ITGB4: variants seen among roughly 807,000 people sequenced by gnomAD.
ITGB4 encodes the protein integrin subunit beta 4, also known as integrin beta-4.
A neutral mutation model predicts 207.6 loss-of-function variants in ITGB4; 159 were observed. That is an observed-to-expected ratio of 0.77 (90% CI 0.67 to 0.87). The LOEUF is 0.87. Among genes scored for constraint, ITGB4 ranks in the 40% least tolerant of loss-of-function variants. The pLI is 0.00. For missense variants in ITGB4, 2,278 were observed against 2,546.8 expected (o/e 0.89, Z 2.27); for synonymous variants, 1,020 against 1,062.7 (o/e 0.96, Z 0.78).
At position 75,730,335 on chromosome 17, in the gene ITGB4, C is replaced by T; in HGVS notation, c.833C>T (p.Ala278Val). The T allele has an allele frequency of 6.2e-7, 1 of 1,613,878 alleles. No individual in the cohort carries two copies. Reference protein sequence around the residue: ...HYEADGANVLAGIMSRNDERC... With the variant: ...HYEADGANVLVGIMSRNDERC... ...GAGGCTGATGGCGCCAACGTGCTGG[C>T]TGGCATCATGAGCCGCAACGATGAA... Residue 278 changes from alanine to valine, a missense_variant, in exon 8 of 40, where the codon GCT (alanine) becomes GTT (valine). Coordinates refer to ENST00000200181, the MANE Select transcript of ITGB4 (RefSeq NM_000213.5).
Position 75,750,396 on chromosome 17 carries a change from G to A in ITGB4, c.3474+128G>A, listed in dbSNP as rs2061341272. On this transcript the variant is annotated intron_variant, in intron 28 of 39. Transcript: ENST00000200181. The surrounding 1 kb of genome is among the most constrained non-coding windows in gnomAD (Gnocchi z 5.5). The stretch of plus-strand genomic sequence containing the variant: ...CAGACAGTGGAACCTAGCACAGGTG[G>A]TCAGAGGGAAACCCGGTCTGTGCTG... The A allele has an allele frequency of 3.0e-6, 3 of 993,820 alleles. No individual in the cohort carries two copies. In the South Asian group the frequency reaches 4.9e-5, roughly 16 times the overall value. The allele number at this position is 993,820 out of a possible 1,614,324, so 61.6% of individuals were successfully genotyped here.
intron 7 of ITGB4, 81 bp from the exon 8 acceptor site, chr17:75,730,160 C>A: frequency 3.8e-6 from 6 of 1,584,706 alleles, no homozygotes; most frequent in Non-Finnish European, 5.2e-6. Context: ...TTGGGACCCG[C>A]GTTCCCCGTC....
In ITGB4 at chr17:75,756,729, C is replaced by T. The variant is rs758820400; in HGVS notation, c.4923C>T (p.Pro1641=). Residue 1641 remains proline, a synonymous_variant, in exon 37 of 40, where the codon CCC becomes CCT. Coordinates refer to ENST00000200181, the MANE Select transcript of ITGB4 (RefSeq NM_000213.5). The part of the protein sequence containing the change: ...LPGSAFTLST[P]SAPGPLVFTA... ...GCTCCGCCTTCACTTTGAGCACTCC[C>T]AGTGCCCCAGGCCCGCTGGTGTTCA... 6.2e-7 allele frequency: 1 copy of T among 1,613,308 alleles called. No individual in the cohort carries two copies.
intron 26 of ITGB4, 129 bp from the exon 27 acceptor site, chr17:75,748,712 G>A (rs1048660232): frequency 1.2e-5 from 8 of 671,346 alleles, no homozygotes; most frequent in African/African-American, 1.1e-4. Flanking sequence ...CCTGAACCTC[G>A]TGTAAGTACT....
chr17:75,751,112 G>A lies in ITGB4; in HGVS notation c.3793+1G>A, dbSNP rs147222357. ...TATGGCCTGGTCAACGATGACAACC[G>A]TAAGAACCAGATCCTTCTTTCCTGC... On this transcript the variant is annotated splice_donor_variant, in intron 30 of 39. Coordinates refer to ENST00000200181, the MANE Select transcript of ITGB4 (RefSeq NM_000213.5). LOFTEE classifies it high-confidence loss of function. 1.6e-5 allele frequency: 26 copies of A among 1,612,932 alleles called. No individual in the cohort carries two copies. The highest frequency in any genetic ancestry group is 2.2e-5 in the Non-Finnish European group (26 of 1,179,956).
chr17:75,723,407 T>G (rs1297084518), intron 1 of ITGB4, among the ~76,000 whole-genome samples: 1 of 152,192 alleles, frequency 6.6e-6, no homozygotes, highest in Non-Finnish European at 1.5e-5. Flanking sequence ...TGTGTAATGA[T>G]GCCTGGGAGG....
chr17:75,752,396 G>A (rs772059517), intron 31 of ITGB4, 40 bp downstream of exon 31: 3 of 1,612,700 alleles, frequency 1.9e-6, no homozygotes, highest in Middle Eastern at 3.3e-4. Context: ...GACCGGGCAG[G>A]GGGGCAGGGG....
Position 75,731,004 on chromosome 17 carries a change from G to C in ITGB4, c.1092+40G>C, listed in dbSNP as rs749955575. On this transcript the variant is annotated intron_variant, in intron 9 of 39. Coordinates refer to ENST00000200181, the MANE Select transcript of ITGB4 (RefSeq NM_000213.5). This position sits in a 1 kb window ranked among gnomAD's most constrained non-coding sequence, Gnocchi z 6.8. Reference sequence around the variant, plus strand: ...GGCTCCAGAGTCTGAGCCCTTCTGGGGCAGGGCAGGAAGTGGGCAGGGTGG... The same window carrying C: ...GGCTCCAGAGTCTGAGCCCTTCTGGCGCAGGGCAGGAAGTGGGCAGGGTGG... The C allele has an allele frequency of 4.4e-6, 7 of 1,576,894 alleles. No homozygotes were observed. In the South Asian group the frequency reaches 7.8e-5, roughly 17 times the overall value.
Position 75,740,877 on chromosome 17 carries a change from G to A in ITGB4, c.2609+26G>A, listed in dbSNP as rs1345786175. On this transcript the variant is annotated intron_variant, in intron 22 of 39. Coordinates refer to ENST00000200181, the MANE Select transcript of ITGB4 (RefSeq NM_000213.5). The surrounding 1 kb of genome is among the most constrained non-coding windows in gnomAD (Gnocchi z 5.9). ...GTGAGTCCCGGGGTGCCCGGGTTGG[G>A]TGGGGGAGCCGCTCCTACCGGGACT... 6.8e-6 allele frequency: 11 copies of A among 1,613,460 alleles called. No homozygotes were observed. Among genetic ancestry groups the A allele is most frequent in the Non-Finnish European group, 9.3e-6 (11 of 1,179,962 alleles).
At position 75,753,965 on chromosome 17, in the gene ITGB4, C is replaced by G; in HGVS notation, c.4309C>G (p.Pro1437Ala). 1 of 1,258,828 alleles carries G rather than the reference C, an allele frequency of 7.9e-7. No individual in the cohort carries two copies. Among genetic ancestry groups the G allele is most frequent in the Non-Finnish European group, 1.0e-6 (1 of 1,004,862 alleles). 78.0% of individuals were successfully genotyped at this position (1,258,828 alleles called of 1,614,324 possible). The stretch of plus-strand genomic sequence containing the variant: ...CCTGCCCCGCAGTGCGACACCCGGG[C>G]CCCCCGGAGGTGACAGGCTCACCCG... ...GSLPRSATPGPPGEHLVNGRM... is the reference protein window; with the variant it reads ...GSLPRSATPGAPGEHLVNGRM... Residue 1437 changes from proline to alanine, a missense_variant, in exon 33 of 40, where the codon CCC (proline) becomes GCC (alanine). Physicochemically the swap from Pro to Ala is conservative, Grantham distance 27 (BLOSUM62 -1). Coordinates refer to ENST00000200181, the MANE Select transcript of ITGB4 (RefSeq NM_000213.5).
Position 75,756,631 on chromosome 17 carries a change from C to T in ITGB4, c.4897+14C>T, listed in dbSNP as rs1443366814. On this transcript the variant is annotated intron_variant, in intron 36 of 39. Coordinates refer to ENST00000200181, the MANE Select transcript of ITGB4 (RefSeq NM_000213.5). ...GTCCCCTGCCAGGTGAGTTGCCTCC[C>T]CCAGCCCCAGAGCTGCCCCCATCAT... 3.1e-6 allele frequency: 5 copies of T among 1,612,728 alleles called. No homozygotes were observed. The highest frequency in any genetic ancestry group is 3.4e-6 in the Non-Finnish European group (4 of 1,179,898).
chr17:75,740,705 G>A lies in ITGB4; in HGVS notation c.2551-88G>A, dbSNP rs778710765. On this transcript the variant is annotated intron_variant, in intron 21 of 39. Transcript: ENST00000200181. The surrounding 1 kb of genome is among the most constrained non-coding windows in gnomAD (Gnocchi z 5.9). ...CCAACCCTGAGGATCTCTGGGTACA[G>A]AGGCTGCCTGGCTCCCTGGGTCCCC... 7 of 1,443,074 alleles carry A rather than the reference G, an allele frequency of 4.9e-6. No homozygotes were observed. The highest frequency in any genetic ancestry group is 6.8e-6 in the Non-Finnish European group (7 of 1,027,674). 89.4% of individuals were successfully genotyped at this position (1,443,074 alleles called of 1,614,324 possible). A position where few individuals can be genotyped will look rare whatever the true frequency, so the allele number is the denominator to read the frequency against.
intron 12 of ITGB4, 22 bp from the exon 13 acceptor site, chr17:75,733,468 G>A (rs774747883): frequency 6.2e-7 from 1 of 1,609,242 alleles, no homozygotes; most frequent in Non-Finnish European, 8.5e-7. Context: ...CTGTTTCGGG[G>A]AATGACCAGT....
chr17:75,741,593 G>T (rs1237025778), intron 23 of ITGB4, among the ~76,000 whole-genome samples: 1 of 151,934 alleles, frequency 6.6e-6, no homozygotes, highest in East Asian at 1.9e-4. Flanking sequence ...ATCACCTCAG[G>T]TCAGGAGTTT....
chr17:75,735,416 T>TTC, intron 13 of ITGB4, among the ~76,000 whole-genome samples: 1 of 123,856 alleles, frequency 8.1e-6, no homozygotes, highest in East Asian at 2.1e-4. Flanking sequence ...TCTTTTCTTT[T>TTC]TTTTTTTTTT....
chr17:75,746,123 T>C (rs1045604340), intron 26 of ITGB4: 3 of 152,194 alleles, frequency 2.0e-5, no homozygotes, highest in Admixed American at 6.5e-5. Flanking sequence ...TAGTCCAGGG[T>C]GGAGTACAGG....
chr17:75,737,324 G>T lies in ITGB4; in HGVS notation c.1993G>T (p.Glu665Ter). The T allele has an allele frequency of 6.3e-7, 1 of 1,591,036 alleles. No homozygotes were observed. The highest frequency in any genetic ancestry group is 8.6e-7 in the Non-Finnish European group (1 of 1,169,430). Residue 665 changes from glutamate to a stop codon, truncating the protein, a stop_gained and splice_region_variant, in exon 17 of 40, where the codon GAG (glutamate) becomes TAG (stop). Coordinates refer to ENST00000200181, the MANE Select transcript of ITGB4 (RefSeq NM_000213.5). LOFTEE classifies it high-confidence loss of function. ...VKMVDELKRAEEVVVRCSFRD... is the reference protein window; with the variant it reads ...VKMVDELKRA ...CTGCTGACTGGCTGTGGGTACAGCCGAGGAGGTGGTGGTGCGCTGCTCCTT... is the reference window on the plus strand; with the variant it reads ...CTGCTGACTGGCTGTGGGTACAGCCTAGGAGGTGGTGGTGCGCTGCTCCTT...
At position 75,739,605 on chromosome 17, in the gene ITGB4, G is replaced by A; in HGVS notation, c.2221-67G>A. The A allele has an allele frequency of 6.3e-7, 1 of 1,583,760 alleles. No individual in the cohort carries two copies. Among genetic ancestry groups the A allele is most frequent in the Non-Finnish European group, 8.7e-7 (1 of 1,153,440 alleles). ...TTGACCATTGGCATGGGGCGGGGTG[G>A]CTGGAAGGGCTTACCTGGGCCAGGG... is the stretch of plus-strand genomic sequence containing the variant. On this transcript the variant is annotated intron_variant, in intron 18 of 39. Coordinates refer to ENST00000200181, the MANE Select transcript of ITGB4 (RefSeq NM_000213.5). This position sits in a 1 kb window ranked among gnomAD's most constrained non-coding sequence, Gnocchi z 5.4.
In ITGB4 at chr17:75,729,204, G is replaced by T; in HGVS notation, c.567-61G>T. 2 of 1,526,800 alleles carry T rather than the reference G, an allele frequency of 1.3e-6. No individual in the cohort carries two copies. The highest frequency in any genetic ancestry group is 1.4e-5 in the African/African-American group (1 of 72,908). 94.6% of individuals were successfully genotyped at this position (1,526,800 alleles called of 1,614,324 possible). A position where few individuals can be genotyped will look rare whatever the true frequency, so the allele number is the denominator to read the frequency against. On this transcript the variant is annotated intron_variant, in intron 6 of 39. Transcript: ENST00000200181. The surrounding 1 kb of genome is among the most constrained non-coding windows in gnomAD (Gnocchi z 4.4). Reference sequence around the variant, plus strand: ...TCCTTCTAGTTGAAACGAGCCAGGGGCACTGGGGTCTGCGGCGTCTTCCCC... The same window carrying T: ...TCCTTCTAGTTGAAACGAGCCAGGGTCACTGGGGTCTGCGGCGTCTTCCCC...
Sources: allele counts gnomAD v4.1 joint callset (sites outside exome capture counted in the v4.1 genomes callset), GRCh38; gene constraint gnomAD v4.1.1; non-coding constraint Gnocchi (gnomAD v3.1); transcripts MANE v1.5; gene names NCBI Gene and HGNC (gene_info 2026-07-23, HGNC 2026-07-21).